CGNL1: variants seen among roughly 807,000 people sequenced by gnomAD.
CGNL1 encodes the protein cingulin-like protein 1.
Under a neutral mutation model 141.2 loss-of-function variants are expected in CGNL1, and 132 were observed. That is an observed-to-expected ratio of 0.93 (90% CI 0.81 to 1.08). The LOEUF (loss-of-function observed/expected upper bound fraction) is 1.08, where lower values mean the gene tolerates loss of function less well. Among genes scored for constraint, CGNL1 ranks in the 50% least tolerant of loss-of-function variants. The pLI, the probability that CGNL1 is intolerant of heterozygous loss-of-function variation, is 0.00. For synonymous variants in CGNL1, 690 were observed against 622.1 expected (o/e 1.11, Z -1.63); for missense variants, 1,870 against 1,588.6 (o/e 1.18, Z -3.01).
chr15:57,473,337 G>A (rs2063606812), intron 8 of CGNL1, among the ~76,000 whole-genome samples: 3 of 152,112 alleles, frequency 2.0e-5, no homozygotes, highest in Admixed American at 2.0e-4. Context: ...GGAAAAATTT[G>A]GCGTTATGAT....
chr15:57,387,997 A>G (rs1358223849), intron 1 of CGNL1, among the ~76,000 whole-genome samples: 1 of 152,166 alleles, frequency 6.6e-6, no homozygotes, highest in Non-Finnish European at 1.5e-5. Context: ...AGCCACATAG[A>G]TATGTAAAAC....
At chr15:57,394,099 C>CTTTTTTTTTTTTT (rs1555429893) in intron 1 of CGNL1, 2 of 34,160 alleles carry the variant, frequency 5.9e-5, no homozygotes, top group Admixed American at 7.2e-4. Context: ...AGGGTAATTT[C>CTTTTTTTTTTTTT]TGTTTGTTTT....
chr15:57,440,449 C>G lies in CGNL1; in HGVS notation c.1675C>G (p.Leu559Val). Residue 559 changes from leucine (L) to valine (V), a missense_variant, in exon 3 of 19, where the codon CTC becomes GTC. Coordinates refer to ENST00000281282, the MANE Select transcript of CGNL1 (RefSeq NM_032866.5). The part of the protein sequence containing the change: ...QTNEETAKQI[L>V]YNYLKEGSTD... ...CAATGAGGAGACAGCTAAGCAGATT[C>G]TCTACAATTACCTCAAAGAAGGGTT... 4 of 1,594,524 alleles carry G rather than the reference C, an allele frequency of 2.5e-6. No individual in the cohort carries two copies. Among genetic ancestry groups the G allele is most frequent in the Non-Finnish European group, 3.4e-6 (4 of 1,169,006 alleles).
At chr15:57,532,176 G>A (rs1326633435) in intron 14 of CGNL1, among the ~76,000 whole-genome samples, 1 of 152,168 alleles carries the variant, frequency 6.6e-6, no homozygotes, top group Non-Finnish European at 1.5e-5. Flanking sequence ...GTCATTAAAA[G>A]CACATTCTAT....
intron 1 of CGNL1, among the ~76,000 whole-genome samples, chr15:57,431,809 C>T (rs1428904289): frequency 1.3e-5 from 2 of 152,072 alleles, no homozygotes; most frequent in Admixed American, 6.5e-5. Context: ...TGGTCTTCTT[C>T]CAATGTGGCC....
chr15:57,481,066 T>G (rs1010797409), intron 8 of CGNL1, among the ~76,000 whole-genome samples: 48 of 123,956 alleles, frequency 3.9e-4, no homozygotes, highest in African/African-American at 1.8e-3. Flanking sequence ...GACCTGGGGT[T>G]TTTTTTTTTT....
At chr15:57,545,499 C>A in intron 16 of CGNL1, 93 bp from the exon 17 acceptor site, 1 of 1,122,858 alleles carries the variant, frequency 8.9e-7, no homozygotes, top group Non-Finnish European at 1.3e-6. Flanking sequence ...ACCAGGCACC[C>A]CTGGCTGGAG....
At chr15:57,492,920 A>C (rs1171145530) in intron 8 of CGNL1, among the ~76,000 whole-genome samples, 1 of 152,128 alleles carries the variant, frequency 6.6e-6, no homozygotes, top group Non-Finnish European at 1.5e-5. Context: ...AGAGTCTTGA[A>C]TACGTCATCA....
chr15:57,415,669 A>AAG (rs2062840355), intron 1 of CGNL1, among the ~76,000 whole-genome samples: 2 of 152,240 alleles, frequency 1.3e-5, no homozygotes, highest in Admixed American at 1.3e-4. Context: ...ATTTGGAGGC[A>AAG]GGGTTGTTCC....
intron 14 of CGNL1, among the ~76,000 whole-genome samples, chr15:57,542,879 T>G (rs1471268329): frequency 6.6e-6 from 1 of 152,164 alleles, no homozygotes; most frequent in Non-Finnish European, 1.5e-5. Flanking sequence ...ACCCTGCAAG[T>G]TGATTGACTT....
chr15:57,467,559 A>C (rs1457280988), intron 8 of CGNL1, among the ~76,000 whole-genome samples: 1 of 152,182 alleles, frequency 6.6e-6, no homozygotes, highest in Non-Finnish European at 1.5e-5. Flanking sequence ...ACTGAAACAA[A>C]CTGACTGTAA....
chr15:57,543,725 G>C lies in CGNL1; in HGVS notation c.3321G>C (p.Gln1107His), dbSNP rs760088612. 1 of 1,614,022 alleles carries C rather than the reference G, an allele frequency of 6.2e-7. No individual in the cohort carries two copies. The highest frequency in any genetic ancestry group is 1.3e-5 in the African/African-American group (1 of 75,010). The change falls in exon 15 of 19, where the codon CAG becomes CAC. Residue 1107 changes from glutamine (Q) to histidine (H), a missense_variant. Gln to His is a conservative substitution (Grantham distance 24). Coordinates refer to ENST00000281282, the MANE Select transcript of CGNL1 (RefSeq NM_032866.5). ...QMEQLRNELL[Q>H]ERAARQDLEC... ...AGCAGTTGAGGAATGAGCTACTTCA[G>C]GAGAGAGCTGCGAGACAAGACTTGG...
chr15:57,462,007 C>A, intron 8 of CGNL1, 115 bp downstream of exon 8: 1 of 774,420 alleles, frequency 1.3e-6, no homozygotes, highest in Non-Finnish European at 2.2e-6. Flanking sequence ...AATCTCAATT[C>A]ATCAGATCAT....
In CGNL1 at chr15:57,396,277, G is replaced by GTTTTTTTTTTTTTTTTT. The variant is rs57154500; in HGVS notation, c.-16+19711_-16+19727dup. 5.8e-4 allele frequency among the ~76,000 whole-genome samples: 75 copies of GTTTTTTTTTTTTTTTTT among 129,206 alleles called. 2 individuals carry two copies. The highest frequency in any genetic ancestry group is 2.2e-3 in the African/African-American group (73 of 33,946). The allele number at this position is 129,206 out of a possible 152,430, so 84.8% of individuals were successfully genotyped here. A position where few individuals can be genotyped will look rare whatever the true frequency, so the allele number is the denominator to read the frequency against. On this transcript the variant is annotated intron_variant, in intron 1 of 18. Transcript: ENST00000281282. ...ATTGTGCTACTTACTTTCTTTCTTT[G>GTTTTTTTTTTTTTTTTT]TTTTTTTTTTTTTTTTTGGAAACAG...
In CGNL1 at chr15:57,420,537, A is replaced by T. The variant is rs984375916; in HGVS notation, c.-15-17448A>T. 4.6e-5 allele frequency among the ~76,000 whole-genome samples: 7 copies of T among 152,210 alleles called. No homozygotes were observed. In the East Asian group the frequency reaches 1.2e-3, roughly 25 times the overall value. On this transcript the variant is annotated intron_variant, in intron 1 of 18. Coordinates refer to ENST00000281282, the MANE Select transcript of CGNL1 (RefSeq NM_032866.5). ...TGGCATCTATTTACTTAATTGTTCA[A>T]TTCCACTATACACATATAGTGGTTT...
At chr15:57,489,866 G>A (rs1183284087) in intron 8 of CGNL1, among the ~76,000 whole-genome samples, 1 of 150,282 alleles carries the variant, frequency 6.7e-6, no homozygotes, top group African/African-American at 2.4e-5. Flanking sequence ...TAGGATTACT[G>A]CCATTGTAGG....
intron 8 of CGNL1, among the ~76,000 whole-genome samples, chr15:57,480,283 C>T (rs1180697919): frequency 6.6e-6 from 1 of 151,948 alleles, no homozygotes; most frequent in Non-Finnish European, 1.5e-5. Context: ...TTTGGGAGGT[C>T]GAGGTGGGTG....
intron 15 of CGNL1, 64 bp downstream of exon 15, chr15:57,543,843 C>A: frequency 7.9e-7 from 1 of 1,257,936 alleles, no homozygotes; most frequent in Non-Finnish European, 1.2e-6. Flanking sequence ...CACTTCACTG[C>A]TTTGAACTAG....
At chr15:57,449,464 G>A (rs1229132388) in intron 4 of CGNL1, among the ~76,000 whole-genome samples, 2 of 152,070 alleles carry the variant, frequency 1.3e-5, no homozygotes, top group Non-Finnish European at 2.9e-5. Flanking sequence ...GACAGTTCCC[G>A]TTTACTGTCC....
Sources: allele counts gnomAD v4.1 joint callset (sites outside exome capture counted in the v4.1 genomes callset), GRCh38; gene constraint gnomAD v4.1.1; transcripts MANE v1.5; gene names NCBI Gene and HGNC (gene_info 2026-07-23, HGNC 2026-07-21).